Variants in SERPINA6 observed in about 807,000 individuals in gnomAD.
The protein encoded by SERPINA6 is corticosteroid-binding globulin.
Under a neutral mutation model 26.4 loss-of-function variants are expected in SERPINA6, and 19 were observed. The observed-to-expected ratio is 0.72, with a 90% CI of 0.50 to 1.06. SERPINA6 has a LOEUF of 1.06. SERPINA6 is among the 50% of genes least tolerant of loss of function. The probability of loss-of-function intolerance (pLI) is 0.00; values close to 1 mark genes in which losing one functional copy is unlikely to be tolerated. For missense variants in SERPINA6, 473 were observed against 504.0 expected (o/e 0.94, Z 0.59); for synonymous variants, 196 against 199.4 (o/e 0.98, Z 0.14).
intron 3 of SERPINA6, among the ~76,000 whole-genome samples, chr14:94,307,094 A>T (rs1339276704): frequency 1.3e-5 from 2 of 152,164 alleles, no homozygotes; most frequent in African/African-American, 2.4e-5. Context: ...AAGGAGAGGG[A>T]GAAGAACCAG....
intron 3 of SERPINA6, among the ~76,000 whole-genome samples, chr14:94,308,748 G>T (rs1474775912): frequency 2.0e-5 from 3 of 152,168 alleles, no homozygotes; most frequent in African/African-American, 7.2e-5. Context: ...CTAGCTCAGG[G>T]GTGCTTAGGG....
intron 4 of SERPINA6, among the ~76,000 whole-genome samples, 197 bp from the exon 5 acceptor site, chr14:94,304,800 C>T (rs775653263): frequency 3.3e-5 from 5 of 152,086 alleles, no homozygotes; most frequent in Non-Finnish European, 5.9e-5. Flanking sequence ...GAACCTGGGC[C>T]GCACCTACAC....
At chr14:94,305,437 C>T (rs1417490953) in intron 4 of SERPINA6, among the ~76,000 whole-genome samples, 1 of 152,160 alleles carries the variant, frequency 6.6e-6, no homozygotes, top group East Asian at 1.9e-4. Flanking sequence ...TGGGATAATA[C>T]CTGCCTTCTG....
chr14:94,309,808 C>T lies in SERPINA6; in HGVS notation c.812G>A (p.Gly271Glu). 6.2e-7 allele frequency: 1 copy of T among 1,614,166 alleles called. No individual in the cohort carries two copies. Among genetic ancestry groups the T allele is most frequent in the South Asian group, 1.1e-5 (1 of 91,084 alleles). Reference sequence around the variant, plus strand: ...TGCAGCGATGACTGTGTTCATCTTCCCCTTGTCCGGAAGGATGAAGAAGAC... The same window carrying T: ...TGCAGCGATGACTGTGTTCATCTTCTCCTTGTCCGGAAGGATGAAGAAGAC... ...GTVFFILPDK[G>E]KMNTVIAALS... The change falls in exon 3 of 5, where the codon GGG becomes GAG. Residue 271 changes from glycine to glutamate, a missense_variant. Gly to Glu is a moderately conservative substitution (Grantham distance 98). Coordinates refer to ENST00000341584, the MANE Select transcript of SERPINA6 (RefSeq NM_001756.4).
intron 3 of SERPINA6, among the ~76,000 whole-genome samples, chr14:94,306,440 A>T (rs545949844): frequency 6.6e-6 from 1 of 151,850 alleles, no homozygotes; most frequent in East Asian, 1.9e-4. Context: ...GGGGCCTCTG[A>T]ATTGCACATT....
chr14:94,320,735 G>A (rs1950659), intron 1 of SERPINA6, among the ~76,000 whole-genome samples: 40 of 151,866 alleles, frequency 2.6e-4, no homozygotes, highest in Admixed American at 9.2e-4. Flanking sequence ...GAACTCCCCC[G>A]CAAAACCCTT....
intron 4 of SERPINA6, 21 bp downstream of exon 4, chr14:94,306,050 G>A (rs775828769): frequency 1.9e-6 from 3 of 1,613,918 alleles, no homozygotes; most frequent in African/African-American, 2.7e-5. Flanking sequence ...GGAAGAAAAG[G>A]TGGGTTCCCA....
At chr14:94,314,752 C>T (rs1895589581) in intron 1 of SERPINA6, 85 bp from the exon 2 acceptor site, 1 of 1,296,722 alleles carries the variant, frequency 7.7e-7, no homozygotes, top group Non-Finnish European at 1.1e-6. Flanking sequence ...GCAAAAGACC[C>T]CATTCAAGCC....
intron 2 of SERPINA6, among the ~76,000 whole-genome samples, chr14:94,312,448 T>C (rs998442881): frequency 1.8e-4 from 28 of 152,220 alleles, no homozygotes; most frequent in African/African-American, 6.8e-4. Flanking sequence ...GCTTGTTCCA[T>C]GCACCAAGCA....
intron 3 of SERPINA6, among the ~76,000 whole-genome samples, chr14:94,307,143 G>GT (rs1196095176): frequency 1.3e-5 from 2 of 152,190 alleles, no homozygotes; most frequent in African/African-American, 2.4e-5. Flanking sequence ...TGCGGAAATA[G>GT]TAACAGAAAG....
intron 4 of SERPINA6, among the ~76,000 whole-genome samples, chr14:94,305,249 T>C (rs891818092): frequency 3.3e-5 from 5 of 152,122 alleles, no homozygotes. Context: ...GCTCTGTGAG[T>C]GGCACCCATG....
chr14:94,309,991 G>T lies in SERPINA6; in HGVS notation c.629C>A (p.Pro210His). ...CTCCCTGGTGCTTGCCAGGTCAAAGGGCTGTGTCCATGTGCCTAGGAAGAG... is the reference window on the plus strand; with the variant it reads ...CTCCCTGGTGCTTGCCAGGTCAAAGTGCTGTGTCCATGTGCCTAGGAAGAG... ...YIFFKGTWTQPFDLASTREEN... is the reference protein window; with the variant it reads ...YIFFKGTWTQHFDLASTREEN... Residue 210 changes from proline to histidine, a missense_variant, in exon 3 of 5, where the codon CCC (proline) becomes CAC (histidine). By Grantham distance (77) the Pro-to-His change is moderately conservative. Coordinates refer to ENST00000341584, the MANE Select transcript of SERPINA6 (RefSeq NM_001756.4). 1 of 1,614,084 alleles carries T rather than the reference G, an allele frequency of 6.2e-7. No individual in the cohort carries two copies. Among genetic ancestry groups the T allele is most frequent in the Non-Finnish European group, 8.5e-7 (1 of 1,180,020 alleles).
At chr14:94,306,963 C>T (rs762548150) in intron 3 of SERPINA6, among the ~76,000 whole-genome samples, 2 of 152,110 alleles carry the variant, frequency 1.3e-5, no homozygotes, top group African/African-American at 2.4e-5. Flanking sequence ...GAACTCGCAC[C>T]GGCTCTCTTG....
intron 1 of SERPINA6, among the ~76,000 whole-genome samples, chr14:94,322,816 CAGA>C (rs1291662260): frequency 6.6e-6 from 1 of 152,164 alleles, no homozygotes; most frequent in Non-Finnish European, 1.5e-5. Context: ...CTGCGTGACT[CAGA>C]AGAATACCCC....
At chr14:94,322,465 G>C (rs867439367) in intron 1 of SERPINA6, among the ~76,000 whole-genome samples, 1 of 152,062 alleles carries the variant, frequency 6.6e-6, no homozygotes, top group Non-Finnish European at 1.5e-5. Flanking sequence ...AGCCGAGATC[G>C]CACCATTGCA....
Position 94,314,434 on chromosome 14 carries a change from A to G in SERPINA6, c.215T>C (p.Met72Thr), listed in dbSNP as rs199720892. Residue 72 changes from methionine to threonine, a missense_variant, in exon 2 of 5, where the codon ATG becomes ACG. Coordinates refer to ENST00000341584, the MANE Select transcript of SERPINA6 (RefSeq NM_001756.4). ...NIFISPVSIS[M>T]ALAMLSLGTC... ...GCCCAGGGACAGCATAGCTAAGGCC[A>G]TGGAGATGCTCACAGGGGAGATGAA... 120 of 1,614,224 alleles carry G rather than the reference A, an allele frequency of 7.4e-5. 1 individual carries two copies. The Middle Eastern group carries it at 2.5e-3, about 33-fold the overall frequency.
chr14:94,310,419 C>T (rs892258273), intron 2 of SERPINA6, among the ~76,000 whole-genome samples: 1 of 96,188 alleles, frequency 1.0e-5, no homozygotes, highest in East Asian at 2.2e-4. Flanking sequence ...CCATCTCCAC[C>T]CCTGCCAGCC....
In SERPINA6 at chr14:94,306,122, G is replaced by A. The variant is rs77484140; in HGVS notation, c.981C>T (p.Asn327=). The change falls in exon 4 of 5, where the codon AAC becomes AAT. Residue 327 remains asparagine, a synonymous_variant. Coordinates refer to ENST00000341584, the MANE Select transcript of SERPINA6 (RefSeq NM_001756.4). ...GGGTGATGCGTGAGAAATTTGCCTG[G>A]TTGGTGAACAAGTCTGCAATGCCCA... is the stretch of plus-strand genomic sequence containing the variant. ...EEMGIADLFT[N]QANFSRITQD... 31 of 1,614,194 alleles carry A rather than the reference G, an allele frequency of 1.9e-5. No homozygotes were observed. The East Asian group carries it at 6.7e-4, about 35-fold the overall frequency.
At position 94,314,338 on chromosome 14, in the gene SERPINA6, TCA is replaced by T. The variant is rs1463526681; in HGVS notation, c.309_310del (p.Glu104AspfsTer30). The T allele has an allele frequency of 1.1e-5, 18 of 1,614,020 alleles. No individual in the cohort carries two copies. Among genetic ancestry groups the T allele is most frequent in the African/African-American group, 2.7e-5 (2 of 74,920 alleles). On this transcript the variant is annotated frameshift_variant, in exon 2 of 5. Transcript: ENST00000341584. LOFTEE classifies it high-confidence loss of function. The stretch of plus-strand genomic sequence containing the variant: ...CAGGTGCTGGAAACCCTGGTGGATC[TCA>T]GTCTCAGACCTCTCAGTGAGGTTGA...
Sources: gnomAD v4.1 joint callset for allele counts (sites outside exome capture counted in the v4.1 genomes callset) on GRCh38, gnomAD v4.1.1 for gene constraint, MANE v1.5 for transcripts, NCBI Gene and HGNC (gene_info 2026-07-23, HGNC 2026-07-21) for gene names.